Variants in C18orf54 observed in about 807,000 individuals in gnomAD.
C18orf54 encodes chromosome 18 open reading frame 54.
C18orf54 carries 49 observed loss-of-function variants against 49.3 expected under a neutral mutation model. That is an observed-to-expected ratio of 0.99 (90% CI 0.79 to 1.26). The LOEUF (loss-of-function observed/expected upper bound fraction) is 1.26. C18orf54 is among the 50% of genes most tolerant of loss of function. The pLI is 0.00. For missense variants in C18orf54, 687 were observed against 620.6 expected, an observed-to-expected ratio of 1.11 and a Z score of -1.14; for synonymous variants, 211 against 216.6, an observed-to-expected ratio of 0.97 and a Z score of 0.23.
chr18:54,373,333 C>T (rs762849201), intron 7 of C18orf54, among the ~76,000 whole-genome samples: 2 of 151,656 alleles, frequency 1.3e-5, no homozygotes, highest in Non-Finnish European at 3.0e-5. Flanking sequence ...TTTGGGTGTA[C>T]AACATGATGT....
chr18:54,365,242 T>C (rs2089358643), intron 5 of C18orf54, among the ~76,000 whole-genome samples: 1 of 152,038 alleles, frequency 6.6e-6, no homozygotes, highest in African/African-American at 2.4e-5. Flanking sequence ...CCCAGAATAA[T>C]CTGTTCTTTA....
rs2089251841 is a variant in C18orf54 at position 54,360,761 on chromosome 18, A to G, written c.189A>G (p.Gln63=). Residue 63 remains glutamine, a synonymous_variant, in exon 3 of 9, where the codon CAA becomes CAG. Coordinates refer to ENST00000620105, the MANE Select transcript of C18orf54 (RefSeq NM_001288980.2). ...QAYIDDFDLG[Q]IYPGASTGKI... ...ATATTGATGATTTTGATCTAGGCCA[A>G]ATATATCCTGGTGCAAGCACTGGAA... is the stretch of plus-strand genomic sequence containing the variant. 6.2e-7 allele frequency: 1 copy of G among 1,613,902 alleles called. No individual in the cohort carries two copies. The highest frequency in any genetic ancestry group is 1.1e-5 in the South Asian group (1 of 91,074).
intron 5 of C18orf54, among the ~76,000 whole-genome samples, chr18:54,364,617 A>C (rs770586246): frequency 2.2e-4 from 34 of 152,130 alleles, no homozygotes; most frequent in Non-Finnish European, 3.8e-4. Flanking sequence ...CCACAATCAG[A>C]TCATTGCTTT....
chr18:54,372,207 T>G (rs2089498185), intron 6 of C18orf54, among the ~76,000 whole-genome samples: 1 of 152,006 alleles, frequency 6.6e-6, no homozygotes, highest in Admixed American at 6.5e-5. Flanking sequence ...AATATAAACG[T>G]GCACTATTTA....
At chr18:54,372,621 A>C (rs375025273) in intron 7 of C18orf54, 24 bp downstream of exon 7, 2 of 1,540,064 alleles carry the variant, frequency 1.3e-6, no homozygotes, top group African/African-American at 2.8e-5. Flanking sequence ...TGATTTATGA[A>C]TTGAGATTTG....
In C18orf54 at chr18:54,374,285, G is replaced by A. The variant is rs1411469993; in HGVS notation, c.1529+1G>A. The A allele has an allele frequency of 6.4e-7, 1 of 1,569,066 alleles. No homozygotes were observed. ...TTCCTATTACTAGGTCACTTCAGAA[G>A]TAAGTATTCTTTACTAATATGGATA... On this transcript the variant is annotated splice_donor_variant, in intron 8 of 8. Coordinates refer to ENST00000620105, the MANE Select transcript of C18orf54 (RefSeq NM_001288980.2). LOFTEE classifies it high-confidence loss of function.
chr18:54,360,453 T>G, intron 2 of C18orf54, 74 bp from the exon 3 acceptor site: 1 of 882,210 alleles, frequency 1.1e-6, no homozygotes, highest in Middle Eastern at 2.5e-4. Context: ...TACAAAAGGT[T>G]TACATATTTA....
chr18:54,365,678 G>T (rs2089365681), intron 5 of C18orf54, 41 bp from the exon 6 acceptor site: 3 of 1,181,662 alleles, frequency 2.5e-6, no homozygotes, highest in African/African-American at 3.0e-5. Flanking sequence ...TTAGAAATTG[G>T]GAACTTAATT....
At chr18:54,377,875 G>A (rs2089602280) in intron 8 of C18orf54, among the ~76,000 whole-genome samples, 1 of 152,086 alleles carries the variant, frequency 6.6e-6, no homozygotes, top group Admixed American at 6.6e-5. Flanking sequence ...TGTTAAGTGT[G>A]ATACAACTGA....
Position 54,378,249 on chromosome 18 carries a change from A to C in C18orf54, c.*3A>C. 1.2e-6 allele frequency: 2 copies of C among 1,612,076 alleles called. No individual in the cohort carries two copies. The highest frequency in any genetic ancestry group is 1.7e-6 in the Non-Finnish European group (2 of 1,178,322). On this transcript the variant is annotated 3_prime_UTR_variant, in exon 9 of 9. Transcript: ENST00000620105. Reference sequence around the variant, plus strand: ...GAGAACGGTCACCGAAAATGTGAAGAGGAAAATGAAACTGTCACCACAATG... The same window carrying C: ...GAGAACGGTCACCGAAAATGTGAAGCGGAAAATGAAACTGTCACCACAATG...
chr18:54,362,372 A>G lies in C18orf54; in HGVS notation c.1013A>G (p.His338Arg), dbSNP rs538109403. 76 of 1,535,090 alleles carry G rather than the reference A, an allele frequency of 5.0e-5. No homozygotes were observed. The highest frequency in any genetic ancestry group is 6.2e-5 in the Non-Finnish European group (71 of 1,146,372). ...LVNEYKCDFEHSQCQCENPLL... is the reference protein window; with the variant it reads ...LVNEYKCDFERSQCQCENPLL... ...AATGAATACAAATGTGATTTTGAAC[A>G]TAGCCAGTGTCAATGTGAGAATCCA... The change falls in exon 4 of 9, where the codon CAT becomes CGT. Residue 338 changes from histidine (H) to arginine (R), a missense_variant. Coordinates refer to ENST00000620105, the MANE Select transcript of C18orf54 (RefSeq NM_001288980.2).
At chr18:54,368,458 G>A (rs2089426692) in intron 6 of C18orf54, among the ~76,000 whole-genome samples, 1 of 152,004 alleles carries the variant, frequency 6.6e-6, no homozygotes, top group South Asian at 2.1e-4. Context: ...ATTAGAATGA[G>A]GTTATGCATT....
intron 6 of C18orf54, among the ~76,000 whole-genome samples, chr18:54,371,034 A>T (rs2089478090): frequency 6.6e-6 from 1 of 151,918 alleles, no homozygotes; most frequent in Non-Finnish European, 1.5e-5. Flanking sequence ...TTTTAAGTGT[A>T]CAGTTCTGTG....
At chr18:54,371,522 G>A (rs933617041) in intron 6 of C18orf54, among the ~76,000 whole-genome samples, 1 of 152,056 alleles carries the variant, frequency 6.6e-6, no homozygotes, top group African/African-American at 2.4e-5. Flanking sequence ...GGAAATTGCA[G>A]GATCATTCAG....
chr18:54,371,919 TTA>T (rs1364753798), intron 6 of C18orf54, among the ~76,000 whole-genome samples: 1 of 152,084 alleles, frequency 6.6e-6, no homozygotes, highest in Admixed American at 6.5e-5. Flanking sequence ...CCTGACCATC[TTA>T]TGTGTCTTAA....
chr18:54,375,368 A>G (rs1335300301), intron 8 of C18orf54, among the ~76,000 whole-genome samples: 3 of 151,260 alleles, frequency 2.0e-5, no homozygotes, highest in African/African-American at 7.3e-5. Flanking sequence ...CAGATCAGGT[A>G]GTGTGATTTG....
At chr18:54,360,935 G>T in intron 3 of C18orf54, 80 bp downstream of exon 3, 1 of 1,366,834 alleles carries the variant, frequency 7.3e-7, no homozygotes, top group Non-Finnish European at 9.9e-7. Context: ...TGTAAAGTTT[G>T]ACATTATTTT....
At chr18:54,358,609 C>T (rs1203869456) in intron 1 of C18orf54, 165 bp from the exon 2 acceptor site, 4 of 152,208 alleles carry the variant, frequency 2.6e-5, no homozygotes, top group African/African-American at 9.7e-5. Flanking sequence ...GACGGGCGAC[C>T]TTCGCTGGCC....
At chr18:54,373,646 A>G (rs1050186241) in intron 7 of C18orf54, among the ~76,000 whole-genome samples, 2 of 151,784 alleles carry the variant, frequency 1.3e-5, no homozygotes, top group African/African-American at 4.8e-5. Context: ...CCTTTTCTGT[A>G]TAGTGAGGTT....
Sources: gnomAD v4.1 joint callset for allele counts (sites outside exome capture counted in the v4.1 genomes callset) on GRCh38, gnomAD v4.1.1 for gene constraint, MANE v1.5 for transcripts, NCBI Gene and HGNC (gene_info 2026-07-23, HGNC 2026-07-21) for gene names.